SCHIP1: variants seen among roughly 807,000 people sequenced by gnomAD.
SCHIP1 encodes schwannomin interacting protein 1, also known as schwannomin-interacting protein 1.
Under a neutral mutation model 29.7 loss-of-function variants are expected in SCHIP1, and 8 were observed. The observed-to-expected ratio is 0.27, with a 90% CI of 0.16 to 0.49. The LOEUF is 0.49. Ranked by LOEUF, SCHIP1 falls within the 20% of genes least tolerant of loss-of-function variation. SCHIP1 has a pLI of 0.99. For missense variants in SCHIP1, 193 were observed against 294.6 expected, an observed-to-expected ratio of 0.66 and a Z score of 2.52; for synonymous variants, 76 against 94.9, an observed-to-expected ratio of 0.80 and a Z score of 1.16.
the SCHIP1 span, among the ~76,000 whole-genome samples, chr3:159,696,944 CT>C: frequency 1.3e-5 from 2 of 152,212 alleles, no homozygotes; most frequent in Admixed American, 6.5e-5. Flanking sequence ...GACAGCAGTG[CT>C]GGCTAGTGGG....
chr3:159,525,237 T>C, the SCHIP1 span, among the ~76,000 whole-genome samples: 1 of 152,252 alleles, frequency 6.6e-6, no homozygotes, highest in Non-Finnish European at 1.5e-5. Flanking sequence ...TTTTCTCCAA[T>C]TTCTAATACA....
At chr3:159,365,190 G>A in the SCHIP1 span, among the ~76,000 whole-genome samples, 1 of 152,294 alleles carries the variant, frequency 6.6e-6, no homozygotes, top group Middle Eastern at 3.4e-3. Context: ...TGACAGGGAT[G>A]TCTCCTGATA....
chr3:159,770,470 G>A, the SCHIP1 span, among the ~76,000 whole-genome samples: 11 of 152,164 alleles, frequency 7.2e-5, no homozygotes, highest in Non-Finnish European at 1.5e-4. Flanking sequence ...TGTTGGTCAA[G>A]CTGATCTTGA....
chr3:159,700,168 A>G, the SCHIP1 span, among the ~76,000 whole-genome samples: 11 of 152,236 alleles, frequency 7.2e-5, no homozygotes, highest in Non-Finnish European at 1.6e-4. Context: ...TGCTTAAAAG[A>G]TTGACTCTAA....
chr3:159,597,506 C>T, the SCHIP1 span, among the ~76,000 whole-genome samples: 1 of 152,278 alleles, frequency 6.6e-6, no homozygotes, highest in South Asian at 2.1e-4. Context: ...TTAGCTCCCA[C>T]ATGTAAGTGA....
the SCHIP1 span, among the ~76,000 whole-genome samples, chr3:159,694,951 C>T: frequency 7.9e-5 from 12 of 152,258 alleles, no homozygotes; most frequent in Non-Finnish European, 1.5e-4. Context: ...AATTAGTAGG[C>T]TGAGTTATTT....
the SCHIP1 span, chr3:159,273,433 C>T: frequency 1.2e-5 from 12 of 1,019,848 alleles, no homozygotes; most frequent in Admixed American, 3.2e-4. Context: ...TGAAGTGAAT[C>T]GGCTGCTTTG....
chr3:159,626,443 C>G, the SCHIP1 span, among the ~76,000 whole-genome samples: 1 of 151,800 alleles, frequency 6.6e-6, no homozygotes, highest in African/African-American at 2.4e-5. Context: ...TGGAGTCCTT[C>G]CTGCCCATGT....
chr3:159,631,528 C>T, the SCHIP1 span, among the ~76,000 whole-genome samples: 1 of 152,084 alleles, frequency 6.6e-6, no homozygotes, highest in Non-Finnish European at 1.5e-5. Context: ...GCTACCCTGT[C>T]AATAAACTTT....
At chr3:159,473,702 A>G in the SCHIP1 span, among the ~76,000 whole-genome samples, 1 of 151,118 alleles carries the variant, frequency 6.6e-6, no homozygotes, top group African/African-American at 2.4e-5. Context: ...AAAGAAAAGA[A>G]AAGAAAAAGT....
chr3:159,752,484 A>G, the SCHIP1 span, among the ~76,000 whole-genome samples: 1 of 152,140 alleles, frequency 6.6e-6, no homozygotes, highest in South Asian at 2.1e-4. Flanking sequence ...ATAAGAAAAG[A>G]GGTTTAATTG....
chr3:159,695,496 G>A, the SCHIP1 span, among the ~76,000 whole-genome samples: 1 of 152,062 alleles, frequency 6.6e-6, no homozygotes, highest in Non-Finnish European at 1.5e-5. Context: ...TCTCATACCT[G>A]GTTACTTTTT....
At chr3:159,889,107 G>T (rs1717240116) in intron 5 of SCHIP1, among the ~76,000 whole-genome samples, 164 bp downstream of exon 6, 1 of 152,116 alleles carries the variant, frequency 6.6e-6, no homozygotes, top group Non-Finnish European at 1.5e-5. Context: ...TGTTGTTTTA[G>T]CTGTAAAATG....
chr3:159,417,062 G>C, the SCHIP1 span, among the ~76,000 whole-genome samples: 1 of 152,180 alleles, frequency 6.6e-6, no homozygotes, highest in Non-Finnish European at 1.5e-5. Context: ...ACAGAGGTTG[G>C]GTGTTCAATT....
the SCHIP1 span, among the ~76,000 whole-genome samples, chr3:159,708,513 G>GAAAGTTTCTCTCTCTT: frequency 1.3e-5 from 2 of 152,218 alleles, no homozygotes; most frequent in Non-Finnish European, 2.9e-5. Context: ...AGGCACGAAT[G>GAAAGTTTCTCTCTCTT]AAAGTTTCTC....
the SCHIP1 span, among the ~76,000 whole-genome samples, chr3:159,583,304 A>G: frequency 2.6e-5 from 4 of 152,144 alleles, no homozygotes; most frequent in Non-Finnish European, 2.9e-5. Flanking sequence ...ACTTTTCCCT[A>G]TCACCAATCT....
the SCHIP1 span, among the ~76,000 whole-genome samples, chr3:159,663,950 A>G: frequency 2.0e-5 from 3 of 152,240 alleles, no homozygotes; most frequent in African/African-American, 7.2e-5. Flanking sequence ...GACAGACCTT[A>G]TAAGAATCTT....
chr3:159,325,176 C>T, the SCHIP1 span, among the ~76,000 whole-genome samples: 3 of 152,178 alleles, frequency 2.0e-5, no homozygotes, highest in Admixed American at 1.3e-4. Context: ...ACCTTATCCT[C>T]ACCTGTTCAA....
upstream of SCHIP1, among the ~76,000 whole-genome samples, chr3:159,837,816 G>T (rs1221655227): frequency 2.0e-5 from 3 of 152,246 alleles, no homozygotes; most frequent in East Asian, 3.9e-4. Context: ...GGAGTTTTAG[G>T]ATGGGGGTGT....
Sources: gnomAD v4.1 joint callset for allele counts (sites outside exome capture counted in the v4.1 genomes callset) on GRCh38, gnomAD v4.1.1 for gene constraint, MANE v1.5 for transcripts, NCBI Gene and HGNC (gene_info 2026-07-23, HGNC 2026-07-21) for gene names.